The following RPS6KC1 variants were observed in gnomAD, a reference collection of about 807,000 sequenced individuals.
RPS6KC1 encodes ribosomal protein S6 kinase C1, also known as inactive ribosomal protein S6 kinase delta-1.
Under a neutral mutation model 103.8 loss-of-function variants are expected in RPS6KC1, and 54 were observed. The ratio of observed to expected loss-of-function variants is 0.52; its 90% CI spans 0.42 to 0.65. The LOEUF is 0.65. RPS6KC1 is among the 30% of genes least tolerant of loss of function. The pLI, the probability that RPS6KC1 is intolerant of heterozygous loss-of-function variation, is 0.00. For synonymous variants in RPS6KC1, 439 were observed against 438.7 expected (o/e 1.00, Z -0.01); for missense variants, 1,151 against 1,253.8 (o/e 0.92, Z 1.24).
chr1:213,612,602 G>A, the RPS6KC1 span, among the ~76,000 whole-genome samples: 2 of 152,322 alleles, frequency 1.3e-5, no homozygotes, highest in Non-Finnish European at 2.9e-5. Flanking sequence ...TGTCTCACAT[G>A]TGTAGAGATA....
chr1:213,363,790 CT>C, the RPS6KC1 span, among the ~76,000 whole-genome samples: 41 of 94,154 alleles, frequency 4.4e-4, 7 homozygotes, highest in Non-Finnish European at 3.8e-4. Flanking sequence ...TTCTTTCTTT[CT>C]TTCTTTCTTT....
intron 8 of RPS6KC1, among the ~76,000 whole-genome samples, chr1:213,229,723 G>C (rs1031000355): frequency 1.3e-5 from 2 of 152,186 alleles, no homozygotes; most frequent in African/African-American, 2.4e-5. Flanking sequence ...CAATGTGTGA[G>C]AGGTTATGAA....
chr1:213,844,095 G>T, the RPS6KC1 span, among the ~76,000 whole-genome samples: 1 of 152,202 alleles, frequency 6.6e-6, no homozygotes. Context: ...TTTCAAATAT[G>T]ATTCATATAT....
chr1:213,860,037 G>A, the RPS6KC1 span, among the ~76,000 whole-genome samples: 1 of 151,384 alleles, frequency 6.6e-6, no homozygotes, highest in South Asian at 2.1e-4. Context: ...GGATATTTCT[G>A]TTGGTTACTA....
At position 213,081,440 on chromosome 1, in the gene RPS6KC1, A is replaced by G. The variant is rs528668350; in HGVS notation, c.262+3624A>G. Among the ~76,000 whole-genome samples, 19 of 152,210 alleles carry G rather than the reference A, an allele frequency of 1.2e-4. No individual in the cohort carries two copies. The South Asian group carries it at 3.7e-3, about 30-fold the overall frequency. ...CCAGCAAGCCACTCATGAGACATCC[A>G]TTCCCGTGATCCAAACACCTCACAC... On this transcript the variant is annotated intron_variant, in intron 3 of 14. Transcript: ENST00000366960.
the RPS6KC1 span, among the ~76,000 whole-genome samples, chr1:213,395,615 C>T: frequency 1.3e-4 from 20 of 152,194 alleles, no homozygotes; most frequent in Non-Finnish European, 1.3e-4. Context: ...GAAAAAGGCC[C>T]CAGTTTGTAG....
intron 8 of RPS6KC1, among the ~76,000 whole-genome samples, chr1:213,180,189 G>A (rs2092177657): frequency 6.6e-6 from 1 of 152,118 alleles, no homozygotes; most frequent in South Asian, 2.1e-4. Context: ...TCTTCAAATA[G>A]TTGAGGGCTG....
At chr1:213,597,908 G>A in the RPS6KC1 span, among the ~76,000 whole-genome samples, 2 of 152,224 alleles carry the variant, frequency 1.3e-5, no homozygotes, top group African/African-American at 4.8e-5. Flanking sequence ...TGTTTAAAGA[G>A]GCACTTGCCT....
chr1:213,542,506 TTC>T, the RPS6KC1 span, among the ~76,000 whole-genome samples: 2 of 152,176 alleles, frequency 1.3e-5, no homozygotes, highest in Non-Finnish European at 1.5e-5. Context: ...GTTGTGTCCT[TTC>T]TCTCTCAGTG....
chr1:213,065,562 T>C lies in RPS6KC1; in HGVS notation c.106-5444T>C, dbSNP rs1341171492. Among the ~76,000 whole-genome samples, 5 of 152,266 alleles carry C rather than the reference T, an allele frequency of 3.3e-5. 1 individual carries two copies. Among genetic ancestry groups the C allele is most frequent in the Admixed American group, 3.3e-4 (5 of 15,288 alleles). ...CATTATCCTAGCCATTTTGTGGTTT[T>C]CGTTTCCGTTTTGGGGGACACATTT... On this transcript the variant is annotated intron_variant, in intron 1 of 14. Coordinates refer to ENST00000366960, the MANE Select transcript of RPS6KC1 (RefSeq NM_012424.6).
chr1:213,143,042 C>T (rs529753430), intron 6 of RPS6KC1, among the ~76,000 whole-genome samples: 5 of 152,080 alleles, frequency 3.3e-5, no homozygotes, highest in African/African-American at 1.2e-4. Flanking sequence ...TTAGAGACAT[C>T]GTGGCCTTTA....
At chr1:213,436,202 A>G in the RPS6KC1 span, among the ~76,000 whole-genome samples, 1 of 152,252 alleles carries the variant, frequency 6.6e-6, no homozygotes, top group African/African-American at 2.4e-5. Flanking sequence ...ATTATTTTGT[A>G]AGTGAAATAA....
the RPS6KC1 span, among the ~76,000 whole-genome samples, chr1:213,568,946 G>A: frequency 6.6e-6 from 1 of 152,178 alleles, no homozygotes; most frequent in Non-Finnish European, 1.5e-5. Flanking sequence ...AGCAGCCATG[G>A]CCACTGTTGC....
the RPS6KC1 span, among the ~76,000 whole-genome samples, chr1:213,382,060 T>TTG: frequency 6.6e-6 from 1 of 152,154 alleles, no homozygotes; most frequent in Non-Finnish European, 1.5e-5. Flanking sequence ...TTTTTTGTGT[T>TTG]TGTGTGTGTG....
the RPS6KC1 span, among the ~76,000 whole-genome samples, chr1:213,280,542 A>G: frequency 6.6e-6 from 1 of 152,214 alleles, no homozygotes; most frequent in African/African-American, 2.4e-5. Context: ...ACCTTGTAGC[A>G]GAGCTGCTCT....
chr1:213,542,873 G>T, the RPS6KC1 span, among the ~76,000 whole-genome samples: 1 of 152,220 alleles, frequency 6.6e-6, no homozygotes, highest in African/African-American at 2.4e-5. Flanking sequence ...TCACTGGAAA[G>T]ATATAGCTTG....
intron 2 of RPS6KC1, among the ~76,000 whole-genome samples, chr1:213,074,993 A>G (rs2148501450): frequency 6.6e-6 from 1 of 151,488 alleles, no homozygotes; most frequent in East Asian, 1.9e-4. Context: ...CTGGGACTTC[A>G]GGCACCCACC....
chr1:213,322,143 T>TA, the RPS6KC1 span, among the ~76,000 whole-genome samples: 3 of 152,078 alleles, frequency 2.0e-5, no homozygotes, highest in African/African-American at 7.2e-5. Flanking sequence ...CCATCTCTAC[T>TA]AAAAATACAA....
chr1:213,489,771 G>A, the RPS6KC1 span, among the ~76,000 whole-genome samples: 3 of 152,314 alleles, frequency 2.0e-5, no homozygotes, highest in Admixed American at 2.0e-4. Flanking sequence ...AAAAATAAAG[G>A]TATCTCAGTG....
Sources: gnomAD v4.1 joint callset for allele counts (sites outside exome capture counted in the v4.1 genomes callset) on GRCh38, gnomAD v4.1.1 for gene constraint, MANE v1.5 for transcripts, NCBI Gene and HGNC (gene_info 2026-07-23, HGNC 2026-07-21) for gene names.